Variants in FNDC1 observed in about 807,000 individuals in gnomAD.
The protein encoded by FNDC1 is fibronectin type III domain-containing protein 1.
A neutral mutation model predicts 168.0 loss-of-function variants in FNDC1; 96 were observed. The ratio of observed to expected loss-of-function variants is 0.57; its 90% confidence interval spans 0.48 to 0.68. The LOEUF is 0.68. Among genes scored for constraint, FNDC1 ranks in the 30% least tolerant of loss-of-function variants. The pLI is 0.00. For synonymous variants in FNDC1, 1,099 were observed against 1,025.9 expected, an observed-to-expected ratio of 1.07 and a Z score of -1.36; for missense variants, 2,587 against 2,482.1, an observed-to-expected ratio of 1.04 and a Z score of -0.90.
At chr6:159,213,163 G>T (rs1782639372) in intron 4 of FNDC1, among the ~76,000 whole-genome samples, 2 of 152,190 alleles carry the variant, frequency 1.3e-5, no homozygotes, top group Admixed American at 1.3e-4. Context: ...CTCATTCTAG[G>T]TTGGACAGCA....
At chr6:159,170,542 GC>G (rs1483907135) in intron 1 of FNDC1, among the ~76,000 whole-genome samples, 43 of 152,294 alleles carry the variant, frequency 2.8e-4, no homozygotes, top group Admixed American at 2.2e-3. Context: ...TCCTTTGCAG[GC>G]ATTTTTACAC....
chr6:159,236,379 A>G (rs1783260707), intron 12 of FNDC1, 64 bp downstream of exon 12: 1 of 1,067,396 alleles, frequency 9.4e-7, no homozygotes, highest in Admixed American at 1.9e-5. Context: ...AAAATGGTGG[A>G]CATTGTGTAA....
chr6:159,200,225 G>T, intron 3 of FNDC1, 143 bp downstream of exon 3: 1 of 683,506 alleles, frequency 1.5e-6, no homozygotes, highest in Admixed American at 2.8e-5. Flanking sequence ...ATAGCAAGCT[G>T]ACAGATTGAA....
chr6:159,185,758 T>C (rs1331660649), intron 1 of FNDC1, among the ~76,000 whole-genome samples: 1 of 152,222 alleles, frequency 6.6e-6, no homozygotes. Context: ...AACCTCCCTA[T>C]GTCTGTCATT....
intron 14 of FNDC1, among the ~76,000 whole-genome samples, chr6:159,242,477 C>G (rs1429277495): frequency 6.6e-6 from 1 of 152,008 alleles, no homozygotes; most frequent in Non-Finnish European, 1.5e-5. Context: ...TGCACCTGTA[C>G]CCCAGAACTT....
At chr6:159,247,692 T>C (rs574035725) in intron 15 of FNDC1, among the ~76,000 whole-genome samples, 1 of 151,286 alleles carries the variant, frequency 6.6e-6, no homozygotes, top group South Asian at 2.1e-4. Context: ...CGAGCTATGA[T>C]GGCACCACTG....
Position 159,223,564 on chromosome 6 carries a change from T to C in FNDC1, c.803T>C (p.Val268Ala). Reference protein sequence around the residue: ...DELDVPDDISVRVMSSQSVLV... With the variant: ...DELDVPDDISARVMSSQSVLV... ...TTGGATGTACCTGACGACATCAGCG[T>C]CCGGGTTATGTCATCTCAGTCTGTG... Residue 268 changes from valine (V) to alanine (A), a missense_variant, in exon 7 of 23, where the codon GTC becomes GCC. By Grantham distance (64) the Val-to-Ala change is moderately conservative. Coordinates refer to ENST00000297267, the MANE Select transcript of FNDC1 (RefSeq NM_032532.3). 1 of 1,613,704 alleles carries C rather than the reference T, an allele frequency of 6.2e-7. No homozygotes were observed. Among genetic ancestry groups the C allele is most frequent in the Non-Finnish European group, 8.5e-7 (1 of 1,179,724 alleles).
At chr6:159,263,377 A>T (rs1488080932) in intron 19 of FNDC1, among the ~76,000 whole-genome samples, 1 of 152,216 alleles carries the variant, frequency 6.6e-6, no homozygotes, top group Non-Finnish European at 1.5e-5. Context: ...CATAGGATAC[A>T]TATCCTAAAA....
intron 22 of FNDC1, among the ~76,000 whole-genome samples, chr6:159,268,179 T>C (rs1777630915): frequency 6.6e-6 from 1 of 152,060 alleles, no homozygotes; most frequent in Non-Finnish European, 1.5e-5. Flanking sequence ...TAAACACACA[T>C]GCAGACCCAC....
At chr6:159,225,804 T>C in intron 8 of FNDC1, 82 bp downstream of exon 8, 1 of 1,305,456 alleles carries the variant, frequency 7.7e-7, no homozygotes, top group Non-Finnish European at 1.0e-6. Flanking sequence ...AAGATGCCAA[T>C]AGTGACAAAG....
Position 159,239,644 on chromosome 6 carries a change from C to T in FNDC1, c.4308C>T (p.Gly1436=), listed in dbSNP as rs1185572634. 2 of 1,554,498 alleles carry T rather than the reference C, an allele frequency of 1.3e-6. No homozygotes were observed. Among genetic ancestry groups the T allele is most frequent in the Non-Finnish European group, 1.7e-6 (2 of 1,148,310 alleles). The change falls in exon 14 of 23, where the codon GGC becomes GGT. Residue 1436 remains glycine (G), a synonymous_variant. Transcript: ENST00000297267. ...GTCTTGGAGGAAAGCCGCTGGTGGG[C>T]TTGGAGGTCATCAAAAAAACCACCC... ...ILSLGGKPLV[G]LEVIKKTTHP...
intron 15 of FNDC1, among the ~76,000 whole-genome samples, chr6:159,248,338 G>A (rs1030127325): frequency 5.9e-5 from 9 of 151,348 alleles, no homozygotes; most frequent in Non-Finnish European, 1.0e-4. Context: ...ATGGAGTCTC[G>A]CTCTGTCTCC....
intron 4 of FNDC1, among the ~76,000 whole-genome samples, chr6:159,204,540 T>C (rs1340719290): frequency 6.6e-6 from 1 of 152,136 alleles, no homozygotes; most frequent in African/African-American, 2.4e-5. Flanking sequence ...CGCTGTCCTG[T>C]TTCTTCTTTA....
chr6:159,203,131 C>A (rs533352137), intron 4 of FNDC1, among the ~76,000 whole-genome samples: 1 of 152,204 alleles, frequency 6.6e-6, no homozygotes, highest in Non-Finnish European at 1.5e-5. Context: ...GAGGCCCCAG[C>A]CTAATGGCCT....
At chr6:159,190,855 C>A (rs1193413272) in intron 1 of FNDC1, among the ~76,000 whole-genome samples, 1 of 152,184 alleles carries the variant, frequency 6.6e-6, no homozygotes, top group African/African-American at 2.4e-5. Flanking sequence ...AATATATAGG[C>A]CCTTTTATTG....
intron 12 of FNDC1, 40 bp downstream of exon 12, chr6:159,236,355 C>T (rs1383683684): frequency 7.2e-7 from 1 of 1,396,136 alleles, no homozygotes; most frequent in Admixed American, 1.7e-5. Context: ...TGTTTTCATG[C>T]TGTTGAGAAG....
chr6:159,261,872 T>C (rs751330792), intron 19 of FNDC1, among the ~76,000 whole-genome samples: 23 of 152,098 alleles, frequency 1.5e-4, no homozygotes, highest in African/African-American at 4.6e-4. Flanking sequence ...GAAGCCAAGG[T>C]GGGATGATCT....
intron 22 of FNDC1, among the ~76,000 whole-genome samples, chr6:159,270,567 G>T (rs562288833): frequency 3.3e-5 from 5 of 152,198 alleles, no homozygotes; most frequent in Admixed American, 3.3e-4. Flanking sequence ...ACTGGTGGAA[G>T]GGCAGGCAGC....
intron 1 of FNDC1, 102 bp from the exon 2 acceptor site, chr6:159,197,304 TAAAGTCTTTCGGATCATACTGATTA>T: frequency 1.1e-6 from 1 of 892,704 alleles, no homozygotes; most frequent in Non-Finnish European, 1.7e-6. Context: ...TGACTATCCT[TAAAGTCTTTCGGATCATACTGATTA>T]AACGTCATTT....
Sources: allele counts gnomAD v4.1 joint callset (sites outside exome capture counted in the v4.1 genomes callset), GRCh38; gene constraint gnomAD v4.1.1; transcripts MANE v1.5; gene names NCBI Gene and HGNC (gene_info 2026-07-23, HGNC 2026-07-21).